NCAM2: variants seen among roughly 807,000 people sequenced by gnomAD.
The protein encoded by NCAM2 is N-CAM-2.
Under a neutral mutation model 98.1 loss-of-function variants are expected in NCAM2, and 30 were observed. That is an observed-to-expected ratio of 0.31 (90% CI 0.23 to 0.41). The LOEUF (loss-of-function observed/expected upper bound fraction) is 0.41, where lower values mean the gene tolerates loss of function less well. Ranked by LOEUF, NCAM2 falls within the 10% of genes least tolerant of loss-of-function variation. NCAM2 has a pLI of 1.00. For missense variants in NCAM2, 867 were observed against 1,005.8 expected, an observed-to-expected ratio of 0.86 and a Z score of 1.87; for synonymous variants, 368 against 342.4, an observed-to-expected ratio of 1.07 and a Z score of -0.83.
intron 1 of NCAM2, among the ~76,000 whole-genome samples, chr21:21,086,952 G>T (rs1156643848): frequency 1.3e-5 from 2 of 150,882 alleles, no homozygotes; most frequent in Admixed American, 6.6e-5. Flanking sequence ...TACAAATACA[G>T]AAATAACTCT....
At chr21:21,127,539 C>T (rs1013126555) in intron 1 of NCAM2, among the ~76,000 whole-genome samples, 2 of 151,984 alleles carry the variant, frequency 1.3e-5, no homozygotes, top group African/African-American at 4.8e-5. Flanking sequence ...ATTGTGCTAT[C>T]GAACACTAGA....
intron 8 of NCAM2, among the ~76,000 whole-genome samples, chr21:21,366,487 A>C (rs531322262): frequency 6.6e-6 from 1 of 152,202 alleles, no homozygotes; most frequent in East Asian, 1.9e-4. Context: ...AAATGAGTGC[A>C]TTAGTCCACT....
At chr21:21,378,656 G>T (rs1021400471) in intron 9 of NCAM2, among the ~76,000 whole-genome samples, 4 of 151,840 alleles carry the variant, frequency 2.6e-5, no homozygotes, top group Non-Finnish European at 4.4e-5. Context: ...GCATACATTC[G>T]CATGTATATG....
chr21:21,464,219 G>A (rs1291284059), intron 12 of NCAM2, among the ~76,000 whole-genome samples: 1 of 151,970 alleles, frequency 6.6e-6, no homozygotes, highest in Non-Finnish European at 1.5e-5. Flanking sequence ...ACAGAAATAT[G>A]GAAAGGCATA....
rs891817041 is a variant in NCAM2, at chr21:21,274,037, T to G, written c.56-6541T>G. On this transcript the variant is annotated intron_variant, in intron 1 of 17. Coordinates refer to ENST00000400546, the MANE Select transcript of NCAM2 (RefSeq NM_004540.5). ...AAAATTAGCCGGGCGTGGTGGCGCA[T>G]GGCTGTAATCCCAGCTACTTGGGAG... Among the ~76,000 whole-genome samples, 6 of 97,948 alleles carry G rather than the reference T, an allele frequency of 6.1e-5. No individual in the cohort carries two copies. In the East Asian group the frequency reaches 1.8e-3, roughly 30 times the overall value. 64.3% of individuals were successfully genotyped at this position (97,948 alleles called of 152,430 possible). A position where few individuals can be genotyped will look rare whatever the true frequency, so the allele number is the denominator to read the frequency against.
intron 13 of NCAM2, 90 bp downstream of exon 13, chr21:21,466,815 CACTTTTG>C (rs937900324): frequency 2.3e-6 from 3 of 1,286,662 alleles, no homozygotes; most frequent in Non-Finnish European, 3.2e-6. Flanking sequence ...GATGTTTCAA[CACTTTTG>C]AGACATGAAT....
At chr21:21,281,679 AC>A (rs2072935930) in intron 2 of NCAM2, among the ~76,000 whole-genome samples, 1 of 151,986 alleles carries the variant, frequency 6.6e-6, no homozygotes, top group Non-Finnish European at 1.5e-5. Context: ...ACTATGATAT[AC>A]CTAAATAATT....
At chr21:21,052,094 T>C (rs1039977589) in intron 1 of NCAM2, among the ~76,000 whole-genome samples, 3 of 151,542 alleles carry the variant, frequency 2.0e-5, no homozygotes, top group African/African-American at 7.3e-5. Flanking sequence ...CAGTACAGAA[T>C]TTTTTAACCA....
At position 21,539,893 on chromosome 21, in the gene NCAM2, T is replaced by C. The variant is rs1273984288; in HGVS notation, c.*1936T>C. On this transcript the variant is annotated 3_prime_UTR_variant, in exon 18 of 18. Coordinates refer to ENST00000400546, the MANE Select transcript of NCAM2 (RefSeq NM_004540.5). ...GTTTGTCTGATCATCCAGTTTGCTT[T>C]ATTTTGCTGTGTTTTATTTTGTTGT... is the stretch of plus-strand genomic sequence containing the variant. 6.6e-6 allele frequency: 1 copy of C among 152,208 alleles called. No homozygotes were observed. The highest frequency in any genetic ancestry group is 2.4e-5 in the African/African-American group (1 of 41,444). The allele number at this position is 152,208 out of a possible 1,614,324, so 9.4% of individuals were successfully genotyped here.
chr21:21,468,772 A>C lies in NCAM2; in HGVS notation c.1885A>C (p.Lys629Gln). Reference sequence around the variant, plus strand: ...GGCCCCTATTTTGGAATACATTGTGAAATATAGAAGTGTAAGTACCTTGTT... The same window carrying C: ...GGCCCCTATTTTGGAATACATTGTGCAATATAGAAGTGTAAGTACCTTGTT... ...GGAPILEYIVKYRSKDKEDQW... is the reference protein window; with the variant it reads ...GGAPILEYIVQYRSKDKEDQW... Residue 629 changes from lysine to glutamine, a missense_variant, in exon 14 of 18, where the codon AAA (lysine) becomes CAA (glutamine). Coordinates refer to ENST00000400546, the MANE Select transcript of NCAM2 (RefSeq NM_004540.5). 2 of 1,610,924 alleles carry C rather than the reference A, an allele frequency of 1.2e-6. No individual in the cohort carries two copies. Among genetic ancestry groups the C allele is most frequent in the Non-Finnish European group, 1.7e-6 (2 of 1,177,948 alleles).
At chr21:21,042,847 A>T (rs897804655) in intron 1 of NCAM2, among the ~76,000 whole-genome samples, 2 of 152,166 alleles carry the variant, frequency 1.3e-5, no homozygotes, top group South Asian at 2.1e-4. Flanking sequence ...ATAACAACAT[A>T]ATTTATTTAT....
At chr21:21,182,357 A>G (rs1049014858) in intron 1 of NCAM2, among the ~76,000 whole-genome samples, 1 of 152,144 alleles carries the variant, frequency 6.6e-6, no homozygotes, top group Non-Finnish European at 1.5e-5. Context: ...CATCTCTACC[A>G]TGAATTCTCT....
At chr21:21,202,271 T>G (rs2069254211) in intron 1 of NCAM2, among the ~76,000 whole-genome samples, 1 of 152,134 alleles carries the variant, frequency 6.6e-6, no homozygotes, top group Non-Finnish European at 1.5e-5. Context: ...TTAGTGTAGT[T>G]GTGATGATTA....
intron 15 of NCAM2, among the ~76,000 whole-genome samples, chr21:21,481,077 T>C (rs1985841076): frequency 6.6e-6 from 1 of 152,172 alleles, no homozygotes; most frequent in South Asian, 2.1e-4. Context: ...GAATGGTATG[T>C]GAGTGAGGGT....
chr21:21,507,047 T>C (rs1988024372), intron 15 of NCAM2, among the ~76,000 whole-genome samples: 1 of 151,940 alleles, frequency 6.6e-6, no homozygotes, highest in Non-Finnish European at 1.5e-5. Flanking sequence ...ATTTTTTTTT[T>C]CAAAACTGAG....
intron 1 of NCAM2, among the ~76,000 whole-genome samples, chr21:21,095,937 A>G (rs976724366): frequency 1.3e-5 from 2 of 151,182 alleles, no homozygotes; most frequent in East Asian, 1.9e-4. Flanking sequence ...TTTTAAGTGA[A>G]TTGCGAATGA....
intron 1 of NCAM2, among the ~76,000 whole-genome samples, chr21:21,242,536 C>G (rs1403678935): frequency 6.6e-6 from 1 of 152,152 alleles, no homozygotes; most frequent in Non-Finnish European, 1.5e-5. Context: ...ATTCTGTTCT[C>G]TACTTCTATG....
chr21:21,432,373 C>A lies in NCAM2; in HGVS notation c.1654+92C>A, dbSNP rs114494117. 2.8e-4 allele frequency: 331 copies of A among 1,164,798 alleles called. 1 individual carries two copies. The African/African-American group carries it at 4.7e-3, about 16-fold the overall frequency. The allele number at this position is 1,164,798 out of a possible 1,614,324, so 72.2% of individuals were successfully genotyped here. On this transcript the variant is annotated intron_variant, in intron 12 of 17. Transcript: ENST00000400546. ...CTTTTTCGGTTTCCTCCAACATTTT[C>A]TTTTCTTTTAATAAAATGGTGTTGG...
chr21:21,501,578 G>A (rs988221788), intron 15 of NCAM2, among the ~76,000 whole-genome samples: 1 of 149,032 alleles, frequency 6.7e-6, no homozygotes, highest in African/African-American at 2.5e-5. Flanking sequence ...TTATTAGACA[G>A]TCAATCAATG....
Sources: gnomAD v4.1 joint callset for allele counts (sites outside exome capture counted in the v4.1 genomes callset) on GRCh38, gnomAD v4.1.1 for gene constraint, MANE v1.5 for transcripts, NCBI Gene and HGNC (gene_info 2026-07-23, HGNC 2026-07-21) for gene names.